ARMH1: variants seen among roughly 807,000 people sequenced by gnomAD.
The protein encoded by ARMH1 is armadillo like helical domain containing 1.
ARMH1 carries 34 observed loss-of-function variants against 50.2 expected under a neutral mutation model. That is an observed-to-expected ratio of 0.68 (90% CI 0.51 to 0.90). The LOEUF is 0.90. Among genes scored for constraint, ARMH1 ranks in the 40% least tolerant of loss-of-function variants. ARMH1 has a pLI of 0.00. For synonymous variants in ARMH1, 221 were observed against 224.2 expected, an observed-to-expected ratio of 0.99 and a Z score of 0.13; for missense variants, 538 against 553.9, an observed-to-expected ratio of 0.97 and a Z score of 0.29.
intron 3 of ARMH1, 77 bp from the exon 4 acceptor site, chr1:44,697,986 C>G: frequency 8.2e-7 from 1 of 1,218,958 alleles, no homozygotes. Context: ...AAGAGGGGAC[C>G]TTGGGATCTC....
intron 1 of ARMH1, among the ~76,000 whole-genome samples, chr1:44,675,500 T>A (rs1444501726): frequency 6.6e-6 from 1 of 151,784 alleles, no homozygotes; most frequent in African/African-American, 2.4e-5. Context: ...TCTACAAAAT[T>A]AAAATTTTAA....
At chr1:44,676,704 G>A (rs927050336) in intron 1 of ARMH1, among the ~76,000 whole-genome samples, 6 of 152,158 alleles carry the variant, frequency 3.9e-5, no homozygotes, top group Non-Finnish European at 8.8e-5. Flanking sequence ...TGGAGTGATG[G>A]GAGCAGAGGT....
intron 1 of ARMH1, among the ~76,000 whole-genome samples, chr1:44,679,647 G>A (rs572961909): frequency 6.6e-6 from 1 of 152,334 alleles, no homozygotes; most frequent in East Asian, 1.9e-4. Flanking sequence ...TGACATTGCT[G>A]TTTCCTGTCA....
rs1339787396 is a variant in ARMH1, at chr1:44,724,521, C to T, written c.921-18C>T. The T allele has an allele frequency of 6.6e-7, 1 of 1,505,184 alleles. No individual in the cohort carries two copies. The allele number at this position is 1,505,184 out of a possible 1,614,324, so 93.2% of individuals were successfully genotyped here. A position where few individuals can be genotyped will look rare whatever the true frequency, so the allele number is the denominator to read the frequency against. ...GGTGAGCCCCAGGGCGTCGCCCCAG[C>T]CCGAACCCCCGGCCCAGGGTCCTGG... On this transcript the variant is annotated intron_variant, in intron 8 of 11. Transcript: ENST00000535358. The surrounding 1 kb of genome is among the most constrained non-coding windows in gnomAD (Gnocchi z 6.4).
intron 6 of ARMH1, among the ~76,000 whole-genome samples, chr1:44,714,131 G>A (rs1195183556): frequency 2.6e-5 from 4 of 152,094 alleles, no homozygotes; most frequent in South Asian, 2.1e-4. Context: ...TTAGCCGGGC[G>A]TGGTGGCGGG....
At chr1:44,678,969 A>G (rs557015253) in intron 1 of ARMH1, among the ~76,000 whole-genome samples, 1 of 152,302 alleles carries the variant, frequency 6.6e-6, no homozygotes, top group Non-Finnish European at 1.5e-5. Context: ...CCATTTGGCC[A>G]CTATAGAAAT....
chr1:44,708,230 G>A (rs1328045883), intron 6 of ARMH1, among the ~76,000 whole-genome samples: 4 of 152,176 alleles, frequency 2.6e-5, no homozygotes, highest in African/African-American at 9.7e-5. Flanking sequence ...GAGAGGATTA[G>A]AGAGTAATTT....
chr1:44,678,055 G>A (rs1266285026), intron 1 of ARMH1, among the ~76,000 whole-genome samples: 1 of 152,156 alleles, frequency 6.6e-6, no homozygotes, highest in Non-Finnish European at 1.5e-5. Context: ...AGAGGCTGAG[G>A]ATGGAGGAGA....
At chr1:44,705,663 G>C (rs1376939409) in intron 6 of ARMH1, among the ~76,000 whole-genome samples, 1 of 152,170 alleles carries the variant, frequency 6.6e-6, no homozygotes, top group African/African-American at 2.4e-5. Flanking sequence ...TGCTTCCCAA[G>C]GTTACACAGC....
At chr1:44,680,711 C>A (rs1645279856) in intron 1 of ARMH1, among the ~76,000 whole-genome samples, 1 of 152,086 alleles carries the variant, frequency 6.6e-6, no homozygotes, top group Non-Finnish European at 1.5e-5. Flanking sequence ...GAACCTAGTG[C>A]CCACGGAGAG....
intron 6 of ARMH1, among the ~76,000 whole-genome samples, chr1:44,705,984 T>C (rs190636513): frequency 2.0e-5 from 3 of 152,180 alleles, no homozygotes; most frequent in South Asian, 4.2e-4. Context: ...GGGTAGGTCA[T>C]TTAGAGAAGG....
chr1:44,724,677 G>C lies in ARMH1; in HGVS notation c.1050+9G>C, dbSNP rs1378926296. ...CCAGCCTCACGCTGGAGGTGCGCGC[G>C]GCGGCTGGTTAGGGGGCGGGAAGGG... On this transcript the variant is annotated intron_variant, in intron 9 of 11. Coordinates refer to ENST00000535358, the MANE Select transcript of ARMH1 (RefSeq NM_001145636.2). The surrounding 1 kb of genome is among the most constrained non-coding windows in gnomAD (Gnocchi z 6.4). 1 of 1,485,226 alleles carries C rather than the reference G, an allele frequency of 6.7e-7. No individual in the cohort carries two copies. Among genetic ancestry groups the C allele is most frequent in the Non-Finnish European group, 8.9e-7 (1 of 1,124,472 alleles). 92.0% of individuals were successfully genotyped at this position (1,485,226 alleles called of 1,614,324 possible). A position where few individuals can be genotyped will look rare whatever the true frequency, so the allele number is the denominator to read the frequency against.
intron 2 of ARMH1, 125 bp from the exon 3 acceptor site, chr1:44,696,977 G>A: frequency 1.5e-6 from 1 of 679,032 alleles, no homozygotes. Context: ...GCTCCTCTCA[G>A]GGTAAAGAGG....
At chr1:44,715,185 A>T (rs151211212) in intron 6 of ARMH1, among the ~76,000 whole-genome samples, 1 of 152,340 alleles carries the variant, frequency 6.6e-6, no homozygotes, top group African/African-American at 2.4e-5. Context: ...CTGCAGAGAA[A>T]GACCCGGAAC....
intron 6 of ARMH1, among the ~76,000 whole-genome samples, chr1:44,712,519 C>T (rs1334429440): frequency 1.5e-5 from 2 of 134,096 alleles, no homozygotes; most frequent in East Asian, 4.2e-4. Context: ...CCTGTGGTCC[C>T]AGCTACAGGG....
chr1:44,688,538 C>T (rs910422930), intron 1 of ARMH1, among the ~76,000 whole-genome samples: 3 of 152,144 alleles, frequency 2.0e-5, no homozygotes, highest in South Asian at 2.1e-4. Flanking sequence ...GAACAGTCTT[C>T]GTGAAATACA....
At chr1:44,709,451 T>C (rs1196728400) in intron 6 of ARMH1, among the ~76,000 whole-genome samples, 4 of 152,078 alleles carry the variant, frequency 2.6e-5, no homozygotes, top group Non-Finnish European at 5.9e-5. Context: ...GGGGGGCGGA[T>C]CACGAGGTCA....
chr1:44,721,416 A>C (rs1259065018), intron 6 of ARMH1, among the ~76,000 whole-genome samples: 1 of 152,324 alleles, frequency 6.6e-6, no homozygotes. Flanking sequence ...TCATGCACAC[A>C]AAGTCATCAC....
In ARMH1 at chr1:44,724,447, G is replaced by A. The variant is rs1283407068; in HGVS notation, c.920+55G>A. 4 of 1,533,842 alleles carry A rather than the reference G, an allele frequency of 2.6e-6. No individual in the cohort carries two copies. The highest frequency in any genetic ancestry group is 3.5e-6 in the Non-Finnish European group (4 of 1,141,024). On this transcript the variant is annotated intron_variant, in intron 8 of 11. Coordinates refer to ENST00000535358, the MANE Select transcript of ARMH1 (RefSeq NM_001145636.2). The surrounding 1 kb of genome is among the most constrained non-coding windows in gnomAD (Gnocchi z 6.4). ...CAGCAAGCCTGGCTTGGCGCTGCCG[G>A]CGGGCCCCGGGAGCGCTCCGTGCGC...
Sources: allele counts gnomAD v4.1 joint callset (sites outside exome capture counted in the v4.1 genomes callset), GRCh38; gene constraint gnomAD v4.1.1; non-coding constraint Gnocchi (gnomAD v3.1); transcripts MANE v1.5; gene names NCBI Gene and HGNC (gene_info 2026-07-23, HGNC 2026-07-21).